Variants in DRC8 observed in about 807,000 individuals in gnomAD.
The protein encoded by DRC8 is dynein regulatory complex protein 8.
the DRC8 span, among the ~76,000 whole-genome samples, chr1:245,099,436 A>T: frequency 3.3e-5 from 5 of 152,232 alleles, no homozygotes; most frequent in African/African-American, 7.2e-5. Flanking sequence ...GCCAGCCAAC[A>T]GCACAGCCAC....
At chr1:244,979,526 G>A in the DRC8 span, among the ~76,000 whole-genome samples, 1 of 151,458 alleles carries the variant, frequency 6.6e-6, no homozygotes, top group African/African-American at 2.4e-5. Context: ...GTCTGGTCTC[G>A]AACTCCTGAC....
the DRC8 span, among the ~76,000 whole-genome samples, chr1:245,080,432 A>G: frequency 1.3e-5 from 2 of 152,164 alleles, no homozygotes; most frequent in Non-Finnish European, 2.9e-5. Flanking sequence ...TCTATTTACC[A>G]TATAGGTACT....
At chr1:245,098,654 G>A in the DRC8 span, among the ~76,000 whole-genome samples, 22 of 152,180 alleles carry the variant, frequency 1.4e-4, no homozygotes, top group African/African-American at 4.3e-4. Flanking sequence ...GTAGCGCCGC[G>A]TTTTTCAGTT....
At chr1:245,044,691 T>G in the DRC8 span, among the ~76,000 whole-genome samples, 2 of 151,972 alleles carry the variant, frequency 1.3e-5, no homozygotes, top group Admixed American at 6.6e-5. Flanking sequence ...CTCAGCCTCC[T>G]TAGTAGGTGG....
chr1:244,971,270 G>T, the DRC8 span, among the ~76,000 whole-genome samples: 2 of 152,190 alleles, frequency 1.3e-5, no homozygotes, highest in East Asian at 3.9e-4. Flanking sequence ...AAACCTGGTT[G>T]AGATCTTGGA....
the DRC8 span, among the ~76,000 whole-genome samples, chr1:245,045,782 G>A: frequency 0.067 from 5,271 of 79,140 alleles, 326 homozygotes; most frequent in African/African-American, 0.2. Flanking sequence ...CGGTCTGACT[G>A]GTTGTGGACA....
chr1:245,027,561 T>C, the DRC8 span, among the ~76,000 whole-genome samples: 35 of 152,304 alleles, frequency 2.3e-4, no homozygotes, highest in African/African-American at 6.5e-4. Context: ...TAAGAGACTG[T>C]AGTCCTTGTG....
chr1:245,043,832 A>G, the DRC8 span: 1 of 152,232 alleles, frequency 6.6e-6, no homozygotes, highest in Non-Finnish European at 1.5e-5. Flanking sequence ...CACAAGAGCT[A>G]ATGGCTAAAT....
chr1:245,043,347 T>G, the DRC8 span, among the ~76,000 whole-genome samples: 4 of 151,748 alleles, frequency 2.6e-5, no homozygotes, highest in Non-Finnish European at 5.9e-5. Flanking sequence ...GCAGGAGAAT[T>G]GCTTGAACCT....
the DRC8 span, chr1:245,083,577 T>C: frequency 6.3e-7 from 1 of 1,589,990 alleles, no homozygotes; most frequent in Non-Finnish European, 8.6e-7. Context: ...GTAGAACTTA[T>C]TCACCAAATG....
At chr1:245,081,161 C>CTATA in the DRC8 span, among the ~76,000 whole-genome samples, 2 of 147,352 alleles carry the variant, frequency 1.4e-5, no homozygotes, top group African/African-American at 5.0e-5. Context: ...TTTTATTTAT[C>CTATA]TATATATATA....
At chr1:245,042,790 T>TCAC in the DRC8 span, among the ~76,000 whole-genome samples, 1 of 152,196 alleles carries the variant, frequency 6.6e-6, no homozygotes, top group Non-Finnish European at 1.5e-5. Flanking sequence ...ACTTTGGTGT[T>TCAC]TTTGACCTTA....
At chr1:245,006,759 A>C in the DRC8 span, among the ~76,000 whole-genome samples, 1 of 151,902 alleles carries the variant, frequency 6.6e-6, no homozygotes, top group Non-Finnish European at 1.5e-5. Context: ...CATGGCAAAA[A>C]CCTGTCTCTA....
At chr1:244,980,363 T>TA in the DRC8 span, among the ~76,000 whole-genome samples, 1 of 151,738 alleles carries the variant, frequency 6.6e-6, no homozygotes, top group Non-Finnish European at 1.5e-5. Flanking sequence ...GTCTAAAAAA[T>TA]AAAAATGAAA....
the DRC8 span, chr1:245,123,521 AC>A: frequency 6.4e-6 from 1 of 156,296 alleles, no homozygotes; most frequent in Admixed American, 6.5e-5. This position sits in a 1 kb window ranked among gnomAD's most constrained non-coding sequence, Gnocchi z 5.0. Context: ...CAAGACACAG[AC>A]CCTCCCGTTC....
the DRC8 span, among the ~76,000 whole-genome samples, chr1:244,979,307 T>C: frequency 1.5e-5 from 2 of 135,764 alleles, no homozygotes; most frequent in Non-Finnish European, 3.2e-5. Flanking sequence ...TTTTTTTTTT[T>C]TTTTTTTTTT....
the DRC8 span, among the ~76,000 whole-genome samples, chr1:245,093,390 G>A: frequency 2.0e-5 from 3 of 151,900 alleles, no homozygotes; most frequent in Non-Finnish European, 4.4e-5. Flanking sequence ...TGAAGAAACT[G>A]TTATTTTTCT....
At chr1:245,107,668 T>C in the DRC8 span, among the ~76,000 whole-genome samples, 1 of 152,188 alleles carries the variant, frequency 6.6e-6, no homozygotes. Flanking sequence ...TCCTCCACGC[T>C]GCCCTCTCCT....
chr1:245,033,969 C>T, the DRC8 span, among the ~76,000 whole-genome samples: 2 of 152,278 alleles, frequency 1.3e-5, no homozygotes, highest in East Asian at 3.9e-4. Flanking sequence ...GACCCACCTG[C>T]CTCAGCCTCC....
Sources: gnomAD v4.1 joint callset for allele counts (sites outside exome capture counted in the v4.1 genomes callset) on GRCh38, gnomAD v4.1.1 for gene constraint, Gnocchi (gnomAD v3.1) non-coding constraint, MANE v1.5 for transcripts, NCBI Gene and HGNC (gene_info 2026-07-23, HGNC 2026-07-21) for gene names.